BCO2: variants seen among roughly 807,000 people sequenced by gnomAD.
The protein encoded by BCO2 is beta-carotene oxygenase 2.
In BCO2, 56 loss-of-function variants were observed where a neutral mutation model predicts 65.8. The observed-to-expected ratio is 0.85, with a 90% confidence interval of 0.69 to 1.06. BCO2 has a LOEUF of 1.06. BCO2 is among the 50% of genes least tolerant of loss of function. BCO2 has a pLI of 0.00. For missense variants in BCO2, 675 were observed against 698.5 expected, an observed-to-expected ratio of 0.97 and a Z score of 0.38; for synonymous variants, 233 against 242.3, an observed-to-expected ratio of 0.96 and a Z score of 0.36.
At chr11:112,181,297 T>G (rs1237864618) in intron 2 of BCO2, 2 of 539,178 alleles carry the variant, frequency 3.7e-6, no homozygotes, top group African/African-American at 3.9e-5. Context: ...TTCTCCTGCC[T>G]CAGCCTCCCA....
At chr11:112,183,925 C>G (rs1272275856) in intron 2 of BCO2, among the ~76,000 whole-genome samples, 4 of 152,204 alleles carry the variant, frequency 2.6e-5, no homozygotes, top group African/African-American at 9.7e-5. Context: ...CACTACAACA[C>G]TTACAAATGA....
At chr11:112,209,181 T>C (rs1012250163) in intron 8 of BCO2, among the ~76,000 whole-genome samples, 5 of 152,210 alleles carry the variant, frequency 3.3e-5, no homozygotes, top group African/African-American at 9.7e-5. Flanking sequence ...CATAATGTCA[T>C]GTATCTACCA....
At chr11:112,208,374 G>A (rs111377174) in intron 8 of BCO2, among the ~76,000 whole-genome samples, 176 of 149,664 alleles carry the variant, frequency 1.2e-3, no homozygotes, top group African/African-American at 4.2e-3. Context: ...TCATATGCAA[G>A]TAATGATAGT....
At position 112,214,901 on chromosome 11, in the gene BCO2, G is replaced by A. The variant is rs1859618389; in HGVS notation, c.1472G>A (p.Gly491Glu). 5.6e-6 allele frequency: 9 copies of A among 1,614,140 alleles called. No individual in the cohort carries two copies. Among genetic ancestry groups the A allele is most frequent in the Non-Finnish European group, 7.6e-6 (9 of 1,180,026 alleles). Residue 491 changes from glycine (G) to glutamate (E), a missense_variant, in exon 10 of 12, where the codon GGG becomes GAG. Physicochemically the swap from Gly to Glu is moderately conservative, Grantham distance 98. Coordinates refer to ENST00000357685, the MANE Select transcript of BCO2 (RefSeq NM_031938.7). Reference protein sequence around the residue: ...FYGCGFRHLVGDSLIKVDVVN... With the variant: ...FYGCGFRHLVEDSLIKVDVVN... ...GGCTGTGGCTTTCGGCATTTAGTGGGGGATTCTCTGATCAAGGTTGATGTG... is the reference window on the plus strand; with the variant it reads ...GGCTGTGGCTTTCGGCATTTAGTGGAGGATTCTCTGATCAAGGTTGATGTG...
At chr11:112,206,308 C>T (rs1245374700) in intron 8 of BCO2, among the ~76,000 whole-genome samples, 6 of 149,612 alleles carry the variant, frequency 4.0e-5, no homozygotes, top group South Asian at 2.1e-4. Context: ...ACTCCTGGGG[C>T]GGCAGGGGCG....
At chr11:112,209,687 CG>C (rs1859453911) in intron 8 of BCO2, among the ~76,000 whole-genome samples, 1 of 152,024 alleles carries the variant, frequency 6.6e-6, no homozygotes, top group African/African-American at 2.4e-5. Flanking sequence ...AATCATATAA[CG>C]TTTATCCTTT....
In BCO2 at chr11:112,218,312, CT is replaced by C. The variant is rs879832982; in HGVS notation, c.*440del. 6.2e-6 allele frequency: 1 copy of C among 160,258 alleles called. No homozygotes were observed. The highest frequency in any genetic ancestry group is 2.4e-5 in the African/African-American group (1 of 41,472). 9.9% of individuals were successfully genotyped at this position (160,258 alleles called of 1,614,324 possible). A position where few individuals can be genotyped will look rare whatever the true frequency, so the allele number is the denominator to read the frequency against. ...AGTGCATACAAGCTTCGGTTTTACC[CT>C]TAATACACCATCATGACCAATGGAG... On this transcript the variant is annotated 3_prime_UTR_variant, in exon 12 of 12. Coordinates refer to ENST00000357685, the MANE Select transcript of BCO2 (RefSeq NM_031938.7).
chr11:112,180,706 GA>G, intron 2 of BCO2: 2 of 789,390 alleles, frequency 2.5e-6, no homozygotes, highest in Non-Finnish European at 4.7e-6. Flanking sequence ...GGCGGGAGGA[GA>G]AAAAGGTGGG....
chr11:112,183,412 G>A (rs1592836691), intron 2 of BCO2, among the ~76,000 whole-genome samples: 2 of 152,158 alleles, frequency 1.3e-5, no homozygotes, highest in Admixed American at 1.3e-4. Context: ...ATAGATGTAG[G>A]GAAACTAGAT....
chr11:112,215,192 G>A, intron 10 of BCO2: 1 of 478,296 alleles, frequency 2.1e-6, no homozygotes, highest in South Asian at 2.3e-5. Context: ...CAATTGTGGG[G>A]TTAGGGTTGT....
chr11:112,179,695 C>A (rs960245504), intron 2 of BCO2: 19 of 554,932 alleles, frequency 3.4e-5, no homozygotes, highest in Non-Finnish European at 5.7e-5. Flanking sequence ...AAATTTGAAG[C>A]CCTCTGTGGT....
intron 5 of BCO2, among the ~76,000 whole-genome samples, chr11:112,197,496 C>T (rs11214126): frequency 0.31 from 46,873 of 150,910 alleles, 8,702 homozygotes; most frequent in Non-Finnish European, 0.4. Context: ...TGCAGTGAGT[C>T]GTGACTGCAC....
At chr11:112,178,802 C>T (rs559727022) in intron 1 of BCO2, among the ~76,000 whole-genome samples, 1 of 152,124 alleles carries the variant, frequency 6.6e-6, no homozygotes, top group Non-Finnish European at 1.5e-5. Context: ...TCACAGGAAT[C>T]GCTATGAAGT....
In BCO2 at chr11:112,202,007, G is replaced by A. The variant is rs1338210083; in HGVS notation, c.1027-16G>A. The stretch of plus-strand genomic sequence containing the variant: ...CTAAAAAAAATTTTTTTCATTGTTT[G>A]TGTTTTCCCCTGCAGCTCCTTCCAG... On this transcript the variant is annotated splice_polypyrimidine_tract_variant and intron_variant, in intron 7 of 11. Coordinates refer to ENST00000357685, the MANE Select transcript of BCO2 (RefSeq NM_031938.7). The A allele has an allele frequency of 1.3e-6, 2 of 1,538,740 alleles. No homozygotes were observed. The highest frequency in any genetic ancestry group is 1.7e-6 in the Non-Finnish European group (2 of 1,146,446).
chr11:112,178,154 A>T (rs1286996925), intron 1 of BCO2, among the ~76,000 whole-genome samples: 2 of 151,610 alleles, frequency 1.3e-5, no homozygotes, highest in Non-Finnish European at 2.9e-5. Context: ...ACCTCAGGTG[A>T]TCCACCTGCC....
chr11:112,185,583 C>G (rs146492101), intron 2 of BCO2, among the ~76,000 whole-genome samples: 1 of 152,138 alleles, frequency 6.6e-6, no homozygotes, highest in Admixed American at 6.5e-5. Context: ...CAGTTTTCCT[C>G]GCTATTTCTA....
chr11:112,175,573 G>A lies in BCO2; in HGVS notation c.-29G>A. 1.3e-6 allele frequency: 2 copies of A among 1,554,818 alleles called. No individual in the cohort carries two copies. Among genetic ancestry groups the A allele is most frequent in the Non-Finnish European group, 1.8e-6 (2 of 1,126,116 alleles). ...CAAAACTGCCAGTGTGAGAGGATTT[G>A]GAAATCACTGGATCTGCTCAATACA... is the stretch of plus-strand genomic sequence containing the variant. On this transcript the variant is annotated 5_prime_UTR_variant, in exon 1 of 12. Coordinates refer to ENST00000357685, the MANE Select transcript of BCO2 (RefSeq NM_031938.7).
rs182892436 is a variant in BCO2, at chr11:112,190,821, A to G, written c.294-2653A>G. ...CAGTGAGCTGAGATCGTGCCACTGC[A>G]CTCCAGCCTGGGGCGACAGAGTGAG... On this transcript the variant is annotated intron_variant, in intron 2 of 11. Transcript: ENST00000357685. Among the ~76,000 whole-genome samples, 858 of 146,262 alleles carry G rather than the reference A, an allele frequency of 5.9e-3. 15 individuals carry two copies. The highest frequency in any genetic ancestry group is 0.021 in the African/African-American group (813 of 39,484).
At chr11:112,206,179 G>A (rs978834996) in intron 8 of BCO2, among the ~76,000 whole-genome samples, 24 of 148,790 alleles carry the variant, frequency 1.6e-4, no homozygotes, top group Admixed American at 8.7e-4. Flanking sequence ...GGGCAGAGGC[G>A]CTCCTCACAT....
Sources: gnomAD v4.1 joint callset for allele counts (sites outside exome capture counted in the v4.1 genomes callset) on GRCh38, gnomAD v4.1.1 for gene constraint, MANE v1.5 for transcripts, NCBI Gene and HGNC (gene_info 2026-07-23, HGNC 2026-07-21) for gene names.